NUDT3: variants seen among roughly 807,000 people sequenced by gnomAD.
NUDT3 encodes the protein diphosphoinositol polyphosphate phosphohydrolase 1.
In NUDT3, 9 loss-of-function variants were observed where a neutral mutation model predicts 23.6. The observed-to-expected ratio is 0.38, with a 90% confidence interval of 0.23 to 0.66. The LOEUF (loss-of-function observed/expected upper bound fraction) is 0.66, where lower values mean the gene tolerates loss of function less well. NUDT3 is among the 30% of genes least tolerant of loss of function. The probability of loss-of-function intolerance (pLI) is 0.52; values close to 1 mark genes in which losing one functional copy is unlikely to be tolerated. For missense variants in NUDT3, 172 were observed against 218.5 expected (o/e 0.79, Z 1.34); for synonymous variants, 86 against 82.6 (o/e 1.04, Z -0.22).
chr6:34,306,993 A>C (rs1454690102), intron 2 of NUDT3, among the ~76,000 whole-genome samples: 1 of 152,224 alleles, frequency 6.6e-6, no homozygotes, highest in African/African-American at 2.4e-5. Context: ...TATTTACAAC[A>C]ATGTGGCCTA....
At position 34,305,737 on chromosome 6, in the gene NUDT3, G is replaced by A. The variant is rs370392219; in HGVS notation, c.211-10052C>T. On this transcript the variant is annotated intron_variant, in intron 2 of 4. Coordinates refer to ENST00000607016, the MANE Select transcript of NUDT3 (RefSeq NM_006703.4). Reference sequence around the variant, plus strand: ...TGTGAAGTGCTTTCACAGCTCTTCTGCTCTATTTGCTTATTTCTATGATGA... The same window carrying A: ...TGTGAAGTGCTTTCACAGCTCTTCTACTCTATTTGCTTATTTCTATGATGA... 4.6e-5 allele frequency among the ~76,000 whole-genome samples: 7 copies of A among 152,244 alleles called. No individual in the cohort carries two copies. The East Asian group carries it at 1.4e-3, about 29-fold the overall frequency.
At chr6:34,327,239 A>G (rs1463547141) in intron 2 of NUDT3, among the ~76,000 whole-genome samples, 1 of 152,084 alleles carries the variant, frequency 6.6e-6, no homozygotes, top group Non-Finnish European at 1.5e-5. Context: ...CTTATCAGAA[A>G]GATCAAAGAC....
At position 34,304,894 on chromosome 6, in the gene NUDT3, A is replaced by G. The variant is rs1362768493; in HGVS notation, c.211-9209T>C. 6.8e-5 allele frequency among the ~76,000 whole-genome samples: 10 copies of G among 146,288 alleles called. No individual in the cohort carries two copies. In the East Asian group the frequency reaches 2.0e-3, roughly 29 times the overall value. ...ACTATATTGCCCAGGTTGGTCTTGA[A>G]CTCCTGGGCTCAAGTGATCCTCCTG... is the stretch of plus-strand genomic sequence containing the variant. On this transcript the variant is annotated intron_variant, in intron 2 of 4. Transcript: ENST00000607016.
Position 34,392,265 on chromosome 6 carries a change from T to C in NUDT3, c.98A>G (p.Glu33Gly). ...GGCCCGCCCAGCCTGCCGCCTCACC[T>C]CCTCCTCGCTCTCGCTGCGGAAACA... is the stretch of plus-strand genomic sequence containing the variant. ...CLCFRSESEE[E>G]VLLVSSSRHP... Residue 33 changes from glutamate (E) to glycine (G), a missense_variant and splice_region_variant, in exon 1 of 5, where the codon GAG becomes GGG. Glu to Gly is a moderately conservative substitution (Grantham distance 98). This residue lies in a region of NUDT3 where 50 missense variants were observed against 46.2 expected (regional missense o/e 1.08). Transcript: ENST00000607016. 6.3e-7 allele frequency: 1 copy of C among 1,592,918 alleles called. No individual in the cohort carries two copies.
chr6:34,314,266 T>C lies in NUDT3; in HGVS notation c.211-18581A>G, dbSNP rs112376360. Reference sequence around the variant, plus strand: ...GGCAAAACCCCATCTCTACTGAAAATATAAGGCCGGGCGCAGTGGCTCACA... The same window carrying C: ...GGCAAAACCCCATCTCTACTGAAAACATAAGGCCGGGCGCAGTGGCTCACA... On this transcript the variant is annotated intron_variant, in intron 2 of 4. Transcript: ENST00000607016. Among the ~76,000 whole-genome samples the C allele has an allele frequency of 8.7e-3, 1,283 of 146,766 alleles. 18 individuals carry two copies. Among genetic ancestry groups the C allele is most frequent in the African/African-American group, 0.028 (1,103 of 39,758 alleles).
In NUDT3 at chr6:34,340,048, C is replaced by A. The variant is rs553956129; in HGVS notation, c.210+1814G>T. 3.2e-3 allele frequency among the ~76,000 whole-genome samples: 493 copies of A among 152,150 alleles called. 4 individuals are homozygous for A. Among genetic ancestry groups the A allele is most frequent in the Middle Eastern group, 0.024 (7 of 292 alleles). On this transcript the variant is annotated intron_variant, in intron 2 of 4. Transcript: ENST00000607016. ...CGACATAAAGAGTCTGCTGGGGGAC[C>A]CTTTGGGGAAAATTTCTTTTCTCTC...
chr6:34,305,969 T>A (rs751111001), intron 2 of NUDT3, among the ~76,000 whole-genome samples: 2 of 152,212 alleles, frequency 1.3e-5, no homozygotes, highest in African/African-American at 2.4e-5. Context: ...CTTCCATGCA[T>A]GCTTGAAAAA....
chr6:34,372,544 C>T (rs1764847987), intron 1 of NUDT3, among the ~76,000 whole-genome samples: 1 of 151,984 alleles, frequency 6.6e-6, no homozygotes, highest in African/African-American at 2.4e-5. Flanking sequence ...GTTGCTCACA[C>T]CTGTAATCCC....
intron 3 of NUDT3, 139 bp from the exon 4 acceptor site, chr6:34,293,674 T>C (rs1015274759): frequency 3.1e-6 from 3 of 960,936 alleles, no homozygotes; most frequent in Non-Finnish European, 4.5e-6. Flanking sequence ...GGTCCTACAG[T>C]TATAGCTACA....
In NUDT3 at chr6:34,284,656, T is replaced by A. The variant is rs192603790; in HGVS notation, c.*4097A>T. The A allele has an allele frequency of 5.3e-5, 8 of 150,676 alleles. No individual in the cohort carries two copies. In the East Asian group the frequency reaches 1.4e-3, roughly 26 times the overall value. The allele number at this position is 150,676 out of a possible 1,614,324, so 9.3% of individuals were successfully genotyped here. On this transcript the variant is annotated 3_prime_UTR_variant, in exon 5 of 5. Coordinates refer to ENST00000607016, the MANE Select transcript of NUDT3 (RefSeq NM_006703.4). Reference sequence around the variant, plus strand: ...GAAATGTACACTCAGGTCTAACAAATACCTATTATTTCTCTGGTTAAGAAG... The same window carrying A: ...GAAATGTACACTCAGGTCTAACAAAAACCTATTATTTCTCTGGTTAAGAAG...
chr6:34,364,550 C>T lies in NUDT3; in HGVS notation c.100-22578G>A, dbSNP rs563225465. On this transcript the variant is annotated intron_variant, in intron 1 of 4. Coordinates refer to ENST00000607016, the MANE Select transcript of NUDT3 (RefSeq NM_006703.4). The stretch of plus-strand genomic sequence containing the variant: ...ACAACAACGGAACAAATCTAAACAA[C>T]GGGAAGTCATACATAAATCCTCTCC... 3.3e-5 allele frequency among the ~76,000 whole-genome samples: 5 copies of T among 152,092 alleles called. No individual in the cohort carries two copies. The South Asian group carries it at 6.2e-4, about 19-fold the overall frequency.
intron 2 of NUDT3, among the ~76,000 whole-genome samples, chr6:34,330,602 G>A (rs1227501694): frequency 6.6e-6 from 1 of 152,036 alleles, no homozygotes; most frequent in Non-Finnish European, 1.5e-5. Context: ...TTTGAGACCA[G>A]CCTGGGCAAC....
intron 1 of NUDT3, among the ~76,000 whole-genome samples, chr6:34,375,239 G>A (rs1764902531): frequency 6.6e-6 from 1 of 152,194 alleles, no homozygotes; most frequent in Admixed American, 6.5e-5. Context: ...AGCTACTCGG[G>A]AGGCTGAGGC....
intron 2 of NUDT3, among the ~76,000 whole-genome samples, chr6:34,303,197 ATTTTTTTTTTT>A (rs55915428): frequency 7.1e-4 from 53 of 74,556 alleles, no homozygotes; most frequent in Non-Finnish European, 1.1e-3. Context: ...ATACCTGGCA[ATTTTTTTTTTT>A]TTTTTTTTTT....
At chr6:34,307,403 A>AC (rs771969076) in intron 2 of NUDT3, among the ~76,000 whole-genome samples, 9 of 152,026 alleles carry the variant, frequency 5.9e-5, no homozygotes, top group Non-Finnish European at 7.4e-5. Context: ...ACAAAGCGAG[A>AC]CCCCATCTCT....
At chr6:34,368,968 T>C (rs976108270) in intron 1 of NUDT3, among the ~76,000 whole-genome samples, 1 of 152,314 alleles carries the variant, frequency 6.6e-6, no homozygotes, top group East Asian at 1.9e-4. Flanking sequence ...AAGTAATTCA[T>C]TGTCTGTTTT....
At chr6:34,375,850 T>C (rs1208815699) in intron 1 of NUDT3, among the ~76,000 whole-genome samples, 2 of 152,250 alleles carry the variant, frequency 1.3e-5, no homozygotes, top group Non-Finnish European at 2.9e-5. Context: ...TTCATTATAA[T>C]TGATGGCTCT....
intron 1 of NUDT3, among the ~76,000 whole-genome samples, chr6:34,357,322 A>G (rs1301807126): frequency 6.6e-6 from 1 of 151,970 alleles, no homozygotes; most frequent in East Asian, 1.9e-4. Context: ...TCCATAATAA[A>G]AGGTTTTTTT....
chr6:34,373,855 G>A (rs1037619645), intron 1 of NUDT3, among the ~76,000 whole-genome samples: 2 of 152,088 alleles, frequency 1.3e-5, no homozygotes, highest in Admixed American at 6.6e-5. Context: ...GTCTGTTTTA[G>A]AAATATATTT....
Sources: gnomAD v4.1 joint callset for allele counts (sites outside exome capture counted in the v4.1 genomes callset) on GRCh38, gnomAD v4.1.1 for gene constraint, gnomAD v4.1.1 regional missense constraint, MANE v1.5 for transcripts, NCBI Gene and HGNC (gene_info 2026-07-23, HGNC 2026-07-21) for gene names.